Variants in PLXNC1 observed in about 807,000 individuals in gnomAD.
PLXNC1 encodes plexin C1.
PLXNC1 carries 75 observed loss-of-function variants against 178.2 expected under a neutral mutation model. The ratio of observed to expected loss-of-function variants is 0.42; its 90% CI spans 0.35 to 0.51. PLXNC1 has a LOEUF of 0.51. Among genes scored for constraint, PLXNC1 ranks in the 20% least tolerant of loss-of-function variants. The pLI is 0.02. For missense variants in PLXNC1, 1,503 were observed against 1,984.4 expected (o/e 0.76, Z 4.61); for synonymous variants, 790 against 779.9 (o/e 1.01, Z -0.22).
At chr12:94,183,181 G>T (rs1488672850) in intron 3 of PLXNC1, among the ~76,000 whole-genome samples, 1 of 152,202 alleles carries the variant, frequency 6.6e-6, no homozygotes, top group Non-Finnish European at 1.5e-5. Context: ...AAATAGCAAT[G>T]ACAGCAATCT....
At chr12:94,284,554 C>T (rs958197298) in intron 23 of PLXNC1, among the ~76,000 whole-genome samples, 1 of 152,020 alleles carries the variant, frequency 6.6e-6, no homozygotes, top group East Asian at 1.9e-4. Flanking sequence ...TTTGCAATGG[C>T]GATTTCAGTA....
chr12:94,232,468 A>C (rs1964130870), intron 9 of PLXNC1, among the ~76,000 whole-genome samples: 1 of 152,134 alleles, frequency 6.6e-6, no homozygotes, highest in African/African-American at 2.4e-5. Context: ...TGCCTTCAAG[A>C]GTGAAATTAA....
intron 6 of PLXNC1, among the ~76,000 whole-genome samples, chr12:94,221,003 G>T (rs568816977): frequency 1.3e-5 from 2 of 152,338 alleles, no homozygotes; most frequent in East Asian, 3.9e-4. Flanking sequence ...AGGCAGCCAG[G>T]GGACCATGAA....
intron 23 of PLXNC1, among the ~76,000 whole-genome samples, chr12:94,292,163 A>G (rs1242030664): frequency 6.6e-6 from 1 of 152,188 alleles, no homozygotes; most frequent in Non-Finnish European, 1.5e-5. Context: ...CATGTCACAG[A>G]CCTTATACTG....
At chr12:94,232,913 A>G (rs1305259347) in intron 9 of PLXNC1, among the ~76,000 whole-genome samples, 2 of 150,710 alleles carry the variant, frequency 1.3e-5, no homozygotes, top group African/African-American at 4.9e-5. Flanking sequence ...ATCTGACTCA[A>G]CAGAGTTTTA....
chr12:94,183,323 T>A (rs1962394174), intron 3 of PLXNC1, among the ~76,000 whole-genome samples: 1 of 152,218 alleles, frequency 6.6e-6, no homozygotes, highest in African/African-American at 2.4e-5. Context: ...GATGGCCACA[T>A]CTTCCCACAG....
At chr12:94,291,546 T>C (rs1471973481) in intron 23 of PLXNC1, among the ~76,000 whole-genome samples, 1 of 152,200 alleles carries the variant, frequency 6.6e-6, no homozygotes, top group Non-Finnish European at 1.5e-5. Flanking sequence ...ATAATTCATA[T>C]TACCATAAAG....
intron 6 of PLXNC1, 126 bp downstream of exon 6, chr12:94,220,289 G>A: frequency 1.1e-6 from 1 of 884,910 alleles, no homozygotes; most frequent in Non-Finnish European, 1.7e-6. Context: ...ACTACCCCCT[G>A]GTTCCCACTT....
At chr12:94,187,809 A>G (rs1962574478) in intron 4 of PLXNC1, among the ~76,000 whole-genome samples, 1 of 152,114 alleles carries the variant, frequency 6.6e-6, no homozygotes, top group East Asian at 1.9e-4. Context: ...CTTTTGGGAG[A>G]TCTCCAAGCT....
At chr12:94,279,277 T>G (rs556599527) in intron 21 of PLXNC1, among the ~76,000 whole-genome samples, 195 bp from the exon 22 acceptor site, 1 of 152,358 alleles carries the variant, frequency 6.6e-6, no homozygotes, top group African/African-American at 2.4e-5. Context: ...GAGTTTTAAC[T>G]TTCTGTTTTC....
At position 94,181,552 on chromosome 12, in the gene PLXNC1, T is replaced by A; in HGVS notation, c.1310T>A (p.Ile437Asn). 1 of 1,607,328 alleles carries A rather than the reference T, an allele frequency of 6.2e-7. No individual in the cohort carries two copies. The highest frequency in any genetic ancestry group is 8.5e-7 in the Non-Finnish European group (1 of 1,175,348). ...YKLVPDPVKN[I>N]YIYLTAGKEV... ...CTCGTTCCTGATCCTGTGAAGAATA[T>A]CTACATTTATCTAACAGCTGGGAAA... is the stretch of plus-strand genomic sequence containing the variant. Residue 437 changes from isoleucine (I) to asparagine (N), a missense_variant, in exon 3 of 31, where the codon ATC becomes AAC. Ile to Asn is a moderately radical substitution (Grantham distance 149, BLOSUM62 -3). Coordinates refer to ENST00000258526, the MANE Select transcript of PLXNC1 (RefSeq NM_005761.3).
At chr12:94,276,123 TAAAGAC>T (rs1965940350) in intron 21 of PLXNC1, among the ~76,000 whole-genome samples, 1 of 152,328 alleles carries the variant, frequency 6.6e-6, no homozygotes, top group East Asian at 1.9e-4. Flanking sequence ...GTGTTTTTGT[TAAAGAC>T]AATAGTGCCT....
intron 2 of PLXNC1, among the ~76,000 whole-genome samples, chr12:94,174,148 G>A (rs1165064449): frequency 1.3e-5 from 2 of 152,092 alleles, no homozygotes; most frequent in Non-Finnish European, 2.9e-5. Flanking sequence ...GGTTACCTAT[G>A]TGGCCCTCTA....
intron 4 of PLXNC1, among the ~76,000 whole-genome samples, chr12:94,187,707 A>G (rs1482536925): frequency 1.3e-5 from 2 of 152,324 alleles, no homozygotes; most frequent in East Asian, 1.9e-4. Context: ...AGCTGTGTAC[A>G]GGAGTCAATT....
Position 94,220,007 on chromosome 12 carries a change from C to CCCG in PLXNC1, c.1555-7_1555-5dup. 6.2e-7 allele frequency: 1 copy of CCCG among 1,613,166 alleles called. No individual in the cohort carries two copies. The highest frequency in any genetic ancestry group is 8.5e-7 in the Non-Finnish European group (1 of 1,179,508). ...ATCATCATTTTTTCCCCATATCTTCCCCGCACAGACTACAGTGACTATGGT... is the reference window on the plus strand; with the variant it reads ...ATCATCATTTTTTCCCCATATCTTCCCCGCCGCACAGACTACAGTGACTATGGT... On this transcript the variant is annotated splice_polypyrimidine_tract_variant and intron_variant, in intron 5 of 30. Transcript: ENST00000258526.
At chr12:94,264,331 T>C (rs1434007798) in intron 20 of PLXNC1, among the ~76,000 whole-genome samples, 3 of 151,992 alleles carry the variant, frequency 2.0e-5, no homozygotes, top group Non-Finnish European at 4.4e-5. Flanking sequence ...CCAGGAAAAA[T>C]GCATGTGGCT....
intron 24 of PLXNC1, among the ~76,000 whole-genome samples, chr12:94,295,100 A>T (rs1278384565): frequency 6.6e-6 from 1 of 152,222 alleles, no homozygotes; most frequent in Non-Finnish European, 1.5e-5. Flanking sequence ...TTCCTGTTCC[A>T]GGTTTGTCTC....
At chr12:94,219,820 T>TTTGTTTATTTAC (rs1963743436) in intron 5 of PLXNC1, among the ~76,000 whole-genome samples, 196 bp from the exon 6 acceptor site, 1 of 146,684 alleles carries the variant, frequency 6.8e-6, no homozygotes, top group Non-Finnish European at 1.5e-5. Context: ...TATTTATTTA[T>TTTGTTTATTTAC]TTATTTATTT....
At position 94,194,109 on chromosome 12, in the gene PLXNC1, C is replaced by T. The variant is rs117793745; in HGVS notation, c.1439+7636C>T. ...CAGAAGGTGAAGGGAAAGCAGGGCACGTCTTACATGGCTGGAACAGGAGGA... is the reference window on the plus strand; with the variant it reads ...CAGAAGGTGAAGGGAAAGCAGGGCATGTCTTACATGGCTGGAACAGGAGGA... On this transcript the variant is annotated intron_variant, in intron 4 of 30. Transcript: ENST00000258526. Among the ~76,000 whole-genome samples the T allele has an allele frequency of 1.7e-3, 252 of 152,120 alleles. 3 individuals are homozygous for T. Among genetic ancestry groups the T allele is most frequent in the Admixed American group, 0.011 (166 of 15,286 alleles).
Sources: allele counts gnomAD v4.1 joint callset (sites outside exome capture counted in the v4.1 genomes callset), GRCh38; gene constraint gnomAD v4.1.1; transcripts MANE v1.5; gene names NCBI Gene and HGNC (gene_info 2026-07-23, HGNC 2026-07-21).